The following STARD9 variants were observed in gnomAD, a reference collection of about 807,000 sequenced individuals.
STARD9 encodes the protein stAR-related lipid transfer protein 9.
Under a neutral mutation model 399.8 loss-of-function variants are expected in STARD9, and 346 were observed. The observed-to-expected ratio is 0.87, with a 90% CI of 0.79 to 0.95. The LOEUF is 0.95. Ranked by LOEUF, STARD9 falls within the 40% of genes least tolerant of loss-of-function variation. STARD9 has a pLI of 0.00. For missense variants in STARD9, 5,832 were observed against 5,667.5 expected, an observed-to-expected ratio of 1.03 and a Z score of -0.93; for synonymous variants, 2,203 against 2,143.5, an observed-to-expected ratio of 1.03 and a Z score of -0.77.
At chr15:42,613,931 C>T (rs1388172301) in intron 3 of STARD9, among the ~76,000 whole-genome samples, 1 of 151,890 alleles carries the variant, frequency 6.6e-6, no homozygotes, top group Non-Finnish European at 1.5e-5. Context: ...TGCCACTGCA[C>T]TCCAACCTGG....
At chr15:42,717,616 C>A (rs2061373960) in intron 28 of STARD9, 115 bp from the exon 29 acceptor site, 3 of 911,948 alleles carry the variant, frequency 3.3e-6, no homozygotes, top group South Asian at 1.4e-5. Flanking sequence ...CAGAGCTAGA[C>A]CCTGTCTCAA....
chr15:42,700,172 G>A (rs2060935609), intron 26 of STARD9, among the ~76,000 whole-genome samples: 1 of 152,106 alleles, frequency 6.6e-6, no homozygotes, highest in Admixed American at 6.5e-5. Flanking sequence ...CATTTTCTTT[G>A]CCCATTCATC....
chr15:42,587,585 G>A (rs2058302467), intron 3 of STARD9, among the ~76,000 whole-genome samples: 1 of 152,008 alleles, frequency 6.6e-6, no homozygotes, highest in Non-Finnish European at 1.5e-5. Context: ...TTTTTTGGGG[G>A]GATGGAGTTT....
intron 3 of STARD9, among the ~76,000 whole-genome samples, chr15:42,634,535 C>G (rs1442357570): frequency 1.3e-5 from 2 of 152,146 alleles, no homozygotes; most frequent in Non-Finnish European, 2.9e-5. Flanking sequence ...ACGAGAGATA[C>G]AGAATTATTT....
Position 42,699,016 on chromosome 15 carries a change from G to T in STARD9, c.13284+3136G>T, listed in dbSNP as rs2060903245. On this transcript the variant is annotated intron_variant, in intron 26 of 32. Transcript: ENST00000290607. ...TGAGTTTACCAGAGTATTCTTTCTT[G>T]TTTATTAAAAAAAATTGTCTTATTT... is the stretch of plus-strand genomic sequence containing the variant. 6.1e-4 allele frequency among the ~76,000 whole-genome samples: 3 copies of T among 4,894 alleles called. No individual in the cohort carries two copies. The South Asian group carries it at 0.029, about 48-fold the overall frequency. The allele number at this position is 4,894 out of a possible 152,430, so 3.2% of individuals were successfully genotyped here.
intron 3 of STARD9, among the ~76,000 whole-genome samples, chr15:42,624,347 A>G (rs2059153985): frequency 6.6e-6 from 1 of 152,168 alleles, no homozygotes; most frequent in African/African-American, 2.4e-5. Flanking sequence ...TAATATAACA[A>G]AACAAGGTTC....
chr15:42,601,043 C>T (rs1421905141), intron 3 of STARD9, among the ~76,000 whole-genome samples: 1 of 151,974 alleles, frequency 6.6e-6, no homozygotes, highest in Non-Finnish European at 1.5e-5. Flanking sequence ...TCCCTGGGTA[C>T]TTGAGATTAG....
At chr15:42,697,894 C>T (rs992397195) in intron 26 of STARD9, among the ~76,000 whole-genome samples, 4 of 152,130 alleles carry the variant, frequency 2.6e-5, no homozygotes, top group Non-Finnish European at 5.9e-5. Context: ...GGGAAATACC[C>T]ATCCCCGCCC....
chr15:42,654,495 C>G (rs1367769555), intron 9 of STARD9, among the ~76,000 whole-genome samples: 2 of 152,086 alleles, frequency 1.3e-5, no homozygotes, highest in African/African-American at 4.8e-5. Flanking sequence ...CAAACTGTTG[C>G]TGTTCGCTGA....
In STARD9 at chr15:42,691,287, GA is replaced by G. The variant is rs1373589092; in HGVS notation, c.9710del (p.Asp3237ValfsTer3). On this transcript the variant is annotated frameshift_variant, in exon 23 of 33. Coordinates refer to ENST00000290607, the MANE Select transcript of STARD9 (RefSeq NM_020759.3). LOFTEE classifies it high-confidence loss of function. ...GGGTGTGAATCCCCTTCCTGATGAA[GA>G]TGGCTTAGATGGCTGTCAGATTTTA... ...AQGVNPLPDE[D>X]GLDGCQILDA... The G allele has an allele frequency of 2.6e-6, 4 of 1,537,280 alleles. No homozygotes were observed. The highest frequency in any genetic ancestry group is 3.5e-6 in the Non-Finnish European group (4 of 1,146,910).
chr15:42,674,966 T>C lies in STARD9; in HGVS notation c.1687+2T>C. On this transcript the variant is annotated splice_donor_variant, in intron 18 of 32. Coordinates refer to ENST00000290607, the MANE Select transcript of STARD9 (RefSeq NM_020759.3). LOFTEE classifies it high-confidence loss of function. ...CTGCCTCCTGCCGTCTGACTCAAGG[T>C]AGGACTGTCTGTAGCCCTGTTTATC... The C allele has an allele frequency of 6.5e-7, 1 of 1,529,628 alleles. No individual in the cohort carries two copies. The highest frequency in any genetic ancestry group is 8.7e-7 in the Non-Finnish European group (1 of 1,143,650). The allele number at this position is 1,529,628 out of a possible 1,614,324, so 94.8% of individuals were successfully genotyped here. A position where few individuals can be genotyped will look rare whatever the true frequency, so the allele number is the denominator to read the frequency against.
At chr15:42,629,980 C>T (rs2059297174) in intron 3 of STARD9, 2 of 150,186 alleles carry the variant, frequency 1.3e-5, no homozygotes, top group South Asian at 4.2e-4. Context: ...CACTTGGTCA[C>T]GATAAATGAT....
chr15:42,716,699 C>G lies in STARD9; in HGVS notation c.13307C>G (p.Ser4436Cys). 1 of 1,536,578 alleles carries G rather than the reference C, an allele frequency of 6.5e-7. No homozygotes were observed. ...CAGGGGCATACAAACTTGCCTGATT[C>G]CAGGGATGTATGGATAGGGGATGAG... ...ENMGHTNLPD[S>C]RDVWIGDERG... The change falls in exon 27 of 33, where the codon TCC becomes TGC. Residue 4436 changes from serine to cysteine, a missense_variant. Coordinates refer to ENST00000290607, the MANE Select transcript of STARD9 (RefSeq NM_020759.3).
intron 7 of STARD9, among the ~76,000 whole-genome samples, chr15:42,644,411 T>G (rs2059605246): frequency 6.6e-6 from 1 of 151,654 alleles, no homozygotes; most frequent in Admixed American, 6.6e-5. Flanking sequence ...GAGAATGGCA[T>G]GAACCCGGGA....
At chr15:42,613,098 C>T (rs1481270883) in intron 3 of STARD9, among the ~76,000 whole-genome samples, 2 of 151,346 alleles carry the variant, frequency 1.3e-5, no homozygotes, top group African/African-American at 4.8e-5. Flanking sequence ...GGGTCTTATG[C>T]TGGGAATATG....
rs752804954 is a variant in STARD9 at position 42,670,307 on chromosome 15, G to A, written c.1497+970G>A. On this transcript the variant is annotated intron_variant, in intron 16 of 32. Transcript: ENST00000290607. ...GTAGTGTGATGGTGGGGGAAGAGGG[G>A]ATGACAGGCATCCATCTAGAAAAAG... 3 of 152,202 alleles carry A rather than the reference G, an allele frequency of 2.0e-5. No individual in the cohort carries two copies. In the South Asian group the frequency reaches 6.2e-4, roughly 32 times the overall value. 9.4% of individuals were successfully genotyped at this position (152,202 alleles called of 1,614,324 possible).
intron 26 of STARD9, among the ~76,000 whole-genome samples, chr15:42,708,422 GAGT>G (rs1353884997): frequency 1.3e-5 from 2 of 152,198 alleles, no homozygotes; most frequent in East Asian, 3.9e-4. Flanking sequence ...CAGTGGCAGA[GAGT>G]TGAGTAGCTG....
At chr15:42,651,219 T>G in intron 8 of STARD9, 134 bp downstream of exon 8, 1 of 545,894 alleles carries the variant, frequency 1.8e-6, no homozygotes, top group Non-Finnish European at 3.2e-6. Context: ...CAGGAGGCTC[T>G]TCCCAGAACA....
rs2060590597 is a variant in STARD9, at chr15:42,687,547, G to A, written c.5969G>A (p.Ser1990Asn). ...LLEKGLRPKD[S>N]SEEFKLPGTK... ...GAAAAAGGTCTTCGTCCCAAAGATAGCTCAGAAGAGTTTAAGCTTCCAGGT... is the reference window on the plus strand; with the variant it reads ...GAAAAAGGTCTTCGTCCCAAAGATAACTCAGAAGAGTTTAAGCTTCCAGGT... Residue 1990 changes from serine (S) to asparagine (N), a missense_variant, in exon 23 of 33, where the codon AGC (serine) becomes AAC (asparagine). This residue lies in a region of STARD9 where 5,828 missense variants were observed against 5,651.1 expected (regional missense o/e 1.03). Coordinates refer to ENST00000290607, the MANE Select transcript of STARD9 (RefSeq NM_020759.3). 1.3e-6 allele frequency: 2 copies of A among 1,537,026 alleles called. No homozygotes were observed. The highest frequency in any genetic ancestry group is 1.7e-6 in the Non-Finnish European group (2 of 1,146,874).
Sources: allele counts gnomAD v4.1 joint callset (sites outside exome capture counted in the v4.1 genomes callset), GRCh38; gene constraint gnomAD v4.1.1; regional missense constraint gnomAD v4.1.1; transcripts MANE v1.5; gene names NCBI Gene and HGNC (gene_info 2026-07-23, HGNC 2026-07-21).